KCNQ1: variants seen among roughly 807,000 people sequenced by gnomAD.
KCNQ1 encodes potassium voltage-gated channel subfamily Q member 1.
In KCNQ1, 49 loss-of-function variants were observed where a neutral mutation model predicts 72.4. The ratio of observed to expected loss-of-function variants is 0.68; its 90% CI spans 0.54 to 0.86. The LOEUF is 0.86. KCNQ1 is among the 40% of genes least tolerant of loss of function. KCNQ1 has a pLI of 0.00. For synonymous variants in KCNQ1, 450 were observed against 412.6 expected, an observed-to-expected ratio of 1.09 and a Z score of -1.10; for missense variants, 790 against 945.1, an observed-to-expected ratio of 0.84 and a Z score of 2.15.
chr11:2,811,054 TG>T (rs748718098), intron 15 of KCNQ1, among the ~76,000 whole-genome samples: 1 of 152,206 alleles, frequency 6.6e-6, no homozygotes, highest in Non-Finnish European at 1.5e-5. Flanking sequence ...CGCCCAGTCT[TG>T]GCACCCTTAC....
At chr11:2,797,905 G>A (rs1361645928) in intron 15 of KCNQ1, among the ~76,000 whole-genome samples, 1 of 152,196 alleles carries the variant, frequency 6.6e-6, no homozygotes, top group African/African-American at 2.4e-5. Context: ...TACTGTGCCA[G>A]CCTCCAGGTT....
intron 12 of KCNQ1, among the ~76,000 whole-genome samples, chr11:2,773,019 G>A (rs1331454205): frequency 6.6e-6 from 1 of 152,198 alleles, no homozygotes; most frequent in Non-Finnish European, 1.5e-5. Flanking sequence ...CTCTGGCATG[G>A]TGCTGGCTTA....
Position 2,588,045 on chromosome 11 carries a change from C to T in KCNQ1, c.1251+353C>T, listed in dbSNP as rs955814639. On this transcript the variant is annotated intron_variant, in intron 9 of 15. Transcript: ENST00000155840. The surrounding 1 kb of genome is among the most constrained non-coding windows in gnomAD (Gnocchi z 5.6). The stretch of plus-strand genomic sequence containing the variant: ...GTGGTGAGCAGTGGGCAGGGGGCCG[C>T]GCGCAGTGGGTGGTGGGAGGGGAGC... Among the ~76,000 whole-genome samples, 14 of 150,516 alleles carry T rather than the reference C, an allele frequency of 9.3e-5. No individual in the cohort carries two copies. Among genetic ancestry groups the T allele is most frequent in the Admixed American group, 5.9e-4 (9 of 15,172 alleles).
intron 2 of KCNQ1, among the ~76,000 whole-genome samples, chr11:2,530,518 T>C (rs1847602307): frequency 6.6e-6 from 1 of 152,246 alleles, no homozygotes; most frequent in South Asian, 2.1e-4. Flanking sequence ...TTTGTACCTC[T>C]GCAGGTGTGT....
At position 2,669,720 on chromosome 11, in the gene KCNQ1, C is replaced by T. The variant is rs534616863; in HGVS notation, c.1514+7639C>T. 8.8e-5 allele frequency: 35 copies of T among 398,588 alleles called. No homozygotes were observed. In the Admixed American group the frequency reaches 8.8e-4, roughly 10 times the overall value. 24.7% of individuals were successfully genotyped at this position (398,588 alleles called of 1,614,324 possible). On this transcript the variant is annotated intron_variant, in intron 11 of 15. Coordinates refer to ENST00000155840, the MANE Select transcript of KCNQ1 (RefSeq NM_000218.3). The surrounding 1 kb of genome is among the most constrained non-coding windows in gnomAD (Gnocchi z 5.6). ...TAGGCATCCAGCCACATACCTGACT[C>T]GGGGAAATGCCTGAAAATATTAGCC...
chr11:2,742,776 G>A (rs1254206473), intron 11 of KCNQ1, among the ~76,000 whole-genome samples: 3 of 152,224 alleles, frequency 2.0e-5, no homozygotes, highest in Non-Finnish European at 1.5e-5. Context: ...GCCCGCTGTG[G>A]CCTCCTCTGC....
chr11:2,815,134 C>T lies in KCNQ1; in HGVS notation c.1795-32633C>T, dbSNP rs1475270792. Among the ~76,000 whole-genome samples, 1 of 152,214 alleles carries T rather than the reference C, an allele frequency of 6.6e-6. No homozygotes were observed. The highest frequency in any genetic ancestry group is 6.5e-5 in the Admixed American group (1 of 15,290). ...CTCAACAGCCTTATGTGGTCAGTAC[C>T]AATCCCTCCCCAAATTACCCCCATG... On this transcript the variant is annotated intron_variant, in intron 15 of 15. Coordinates refer to ENST00000155840, the MANE Select transcript of KCNQ1 (RefSeq NM_000218.3). The surrounding 1 kb of genome is among the most constrained non-coding windows in gnomAD (Gnocchi z 5.4).
intron 11 of KCNQ1, chr11:2,684,063 A>G (rs1850444644): frequency 2.5e-6 from 1 of 398,236 alleles, no homozygotes; most frequent in Non-Finnish European, 4.4e-6. Context: ...CATTGTTTAG[A>G]GTAAATAATT....
At position 2,478,709 on chromosome 11, in the gene KCNQ1, C is replaced by T. The variant is rs982992581; in HGVS notation, c.386+33225C>T. The stretch of plus-strand genomic sequence containing the variant: ...GCCAAACCATATCATTCCACCCCGG[C>T]CCCTCCCTAATCTCATGTCCTCACA... On this transcript the variant is annotated intron_variant, in intron 1 of 15. Coordinates refer to ENST00000155840, the MANE Select transcript of KCNQ1 (RefSeq NM_000218.3). This position sits in a 1 kb window ranked among gnomAD's most constrained non-coding sequence, Gnocchi z 4.0. Among the ~76,000 whole-genome samples the T allele has an allele frequency of 6.6e-5, 10 of 152,110 alleles. No homozygotes were observed. Among genetic ancestry groups the T allele is most frequent in the Admixed American group, 2.6e-4 (4 of 15,274 alleles).
rs979071307 is a variant in KCNQ1 at position 2,653,397 on chromosome 11, A to T, written c.1394-8564A>T. ...CACATTCCTGAAGACTCTCTTGGTA[A>T]CAAATGATGGAACCCCAACTCAAAC... On this transcript the variant is annotated intron_variant, in intron 10 of 15. Transcript: ENST00000155840. The surrounding 1 kb of genome is among the most constrained non-coding windows in gnomAD (Gnocchi z 5.3). The T allele has an allele frequency of 1.8e-4, 70 of 398,598 alleles. 1 individual carries two copies. In the East Asian group the frequency reaches 2.5e-3, roughly 14 times the overall value. The allele number at this position is 398,598 out of a possible 1,614,324, so 24.7% of individuals were successfully genotyped here.
chr11:2,786,157 G>A lies in KCNQ1; in HGVS notation c.1794+8120G>A, dbSNP rs141328468. ...AGTGAAAAACTCTCAGATTTTGTCC[G>A]CAAATGACCATTTTACTGTCATGTT... On this transcript the variant is annotated intron_variant, in intron 15 of 15. Coordinates refer to ENST00000155840, the MANE Select transcript of KCNQ1 (RefSeq NM_000218.3). Among the ~76,000 whole-genome samples, 630 of 152,138 alleles carry A rather than the reference G, an allele frequency of 4.1e-3. 4 individuals are homozygous for A. Among genetic ancestry groups the A allele is most frequent in the African/African-American group, 0.014 (580 of 41,526 alleles).
At chr11:2,675,664 G>C (rs992069637) in intron 11 of KCNQ1, 3 of 398,674 alleles carry the variant, frequency 7.5e-6, no homozygotes, top group Admixed American at 8.8e-5. Flanking sequence ...AGCCCGCCCA[G>C]GGCCTGCCCT....
chr11:2,693,242 T>C (rs1050584164), intron 11 of KCNQ1: 6 of 398,796 alleles, frequency 1.5e-5, no homozygotes, highest in Non-Finnish European at 2.7e-5. Flanking sequence ...AGCCCAGGGC[T>C]ACCTGTACAG....
chr11:2,505,270 A>T (rs78988418), intron 1 of KCNQ1, among the ~76,000 whole-genome samples: 1 of 152,036 alleles, frequency 6.6e-6, no homozygotes, highest in South Asian at 2.1e-4. Context: ...TTTCATTTCC[A>T]TACATTTGTT....
chr11:2,577,486 G>A (rs1848439366), intron 6 of KCNQ1, among the ~76,000 whole-genome samples: 1 of 152,224 alleles, frequency 6.6e-6, no homozygotes, highest in Non-Finnish European at 1.5e-5. Flanking sequence ...GGTGCCATGG[G>A]GGTGTTGACG....
chr11:2,798,489 GCAGCAGCAGAC>G (rs1322892788), intron 15 of KCNQ1, among the ~76,000 whole-genome samples: 3 of 151,846 alleles, frequency 2.0e-5, no homozygotes, highest in African/African-American at 7.3e-5. Flanking sequence ...GTTTGCGGCA[GCAGCAGCAGAC>G]GTTTTTAAAC....
chr11:2,675,872 A>G (rs1850284473), intron 11 of KCNQ1: 2 of 398,684 alleles, frequency 5.0e-6, no homozygotes, highest in Non-Finnish European at 8.8e-6. Flanking sequence ...CCTTCTGGGG[A>G]GCCAATCGTG....
intron 15 of KCNQ1, among the ~76,000 whole-genome samples, chr11:2,811,442 T>A (rs574071710): frequency 2.0e-5 from 3 of 152,390 alleles, no homozygotes; most frequent in Non-Finnish European, 4.4e-5. Context: ...TCCATGGGCC[T>A]GCACGCATGA....
At chr11:2,606,398 C>T (rs1848880480) in intron 10 of KCNQ1, among the ~76,000 whole-genome samples, 1 of 152,060 alleles carries the variant, frequency 6.6e-6, no homozygotes, top group Admixed American at 6.6e-5. Context: ...TGGACGGAGC[C>T]CTCGTGAATG....
Sources: allele counts gnomAD v4.1 joint callset (sites outside exome capture counted in the v4.1 genomes callset), GRCh38; gene constraint gnomAD v4.1.1; non-coding constraint Gnocchi (gnomAD v3.1); transcripts MANE v1.5; gene names NCBI Gene and HGNC (gene_info 2026-07-23, HGNC 2026-07-21).